CHSY1: variants seen among roughly 807,000 people sequenced by gnomAD.
The protein encoded by CHSY1 is chondroitin sulfate synthase 1.
CHSY1 carries 13 observed loss-of-function variants against 59.8 expected under a neutral mutation model. That is an observed-to-expected ratio of 0.22 (90% CI 0.14 to 0.35). CHSY1 has a LOEUF of 0.35. Among genes scored for constraint, CHSY1 ranks in the 10% least tolerant of loss-of-function variants. The pLI is 1.00. For synonymous variants in CHSY1, 459 were observed against 401.2 expected, an observed-to-expected ratio of 1.14 and a Z score of -1.72; for missense variants, 947 against 1,030.6, an observed-to-expected ratio of 0.92 and a Z score of 1.11.
chr15:101,236,543 C>T (rs1017990634), intron 1 of CHSY1, among the ~76,000 whole-genome samples: 5 of 152,152 alleles, frequency 3.3e-5, no homozygotes, highest in South Asian at 2.1e-4. Context: ...GTTTCTGGGC[C>T]GGGCATGGTG....
chr15:101,214,983 A>T (rs954433004), intron 2 of CHSY1, among the ~76,000 whole-genome samples: 27 of 152,102 alleles, frequency 1.8e-4, no homozygotes, highest in Non-Finnish European at 3.4e-4. Flanking sequence ...CTCGTTTTTT[A>T]AAAGTGTGCG....
At chr15:101,226,795 T>C (rs2038846070) in intron 2 of CHSY1, among the ~76,000 whole-genome samples, 1 of 152,236 alleles carries the variant, frequency 6.6e-6, no homozygotes, top group Non-Finnish European at 1.5e-5. Flanking sequence ...GTGAATATTG[T>C]AACTAATTGG....
intron 2 of CHSY1, among the ~76,000 whole-genome samples, chr15:101,190,279 A>C (rs2038427037): frequency 1.3e-5 from 2 of 148,386 alleles, no homozygotes; most frequent in Admixed American, 6.7e-5. Context: ...TGGGTGGGGA[A>C]GGGAAGCTAG....
intron 2 of CHSY1, among the ~76,000 whole-genome samples, chr15:101,204,315 T>C (rs2038602535): frequency 6.6e-6 from 1 of 151,810 alleles, no homozygotes; most frequent in Non-Finnish European, 1.5e-5. Context: ...GCACCTGTAA[T>C]CCCAGCTACT....
chr15:101,242,993 T>C (rs1348202389), intron 1 of CHSY1, among the ~76,000 whole-genome samples: 1 of 152,196 alleles, frequency 6.6e-6, no homozygotes, highest in African/African-American at 2.4e-5. Flanking sequence ...TTATACTCCT[T>C]ACTGTCCATC....
At chr15:101,245,127 G>C (rs1391415751) in intron 1 of CHSY1, among the ~76,000 whole-genome samples, 1 of 152,166 alleles carries the variant, frequency 6.6e-6, no homozygotes, top group Non-Finnish European at 1.5e-5. Context: ...CATCCCATCA[G>C]GCTACTGTCC....
At chr15:101,233,432 C>T (rs2038910586) in intron 2 of CHSY1, among the ~76,000 whole-genome samples, 2 of 152,158 alleles carry the variant, frequency 1.3e-5, no homozygotes, top group South Asian at 4.1e-4. Context: ...GAAAGTGTTC[C>T]AAAATATACA....
At chr15:101,193,916 G>C (rs1016442801) in intron 2 of CHSY1, among the ~76,000 whole-genome samples, 3 of 152,230 alleles carry the variant, frequency 2.0e-5, no homozygotes, top group African/African-American at 7.2e-5. Flanking sequence ...GGGGCACTGA[G>C]TCCCAGCAAC....
rs560687599 is a variant in CHSY1 at position 101,204,104 on chromosome 15, G to C, written c.817-25124C>G. Among the ~76,000 whole-genome samples the C allele has an allele frequency of 2.0e-5, 3 of 152,270 alleles. No homozygotes were observed. The South Asian group carries it at 6.2e-4, about 32-fold the overall frequency. On this transcript the variant is annotated intron_variant, in intron 2 of 2. Coordinates refer to ENST00000254190, the MANE Select transcript of CHSY1 (RefSeq NM_014918.5). ...ATACATACTGATTTAAGGGCAAAAAGAGCATTATATCTGCAACTTCCAAAT... is the reference window on the plus strand; with the variant it reads ...ATACATACTGATTTAAGGGCAAAAACAGCATTATATCTGCAACTTCCAAAT...
chr15:101,181,452 A>G (rs2038277613), intron 2 of CHSY1, among the ~76,000 whole-genome samples: 1 of 152,236 alleles, frequency 6.6e-6, no homozygotes, highest in African/African-American at 2.4e-5. Context: ...AAGAGTGTAA[A>G]CACACATTAA....
intron 2 of CHSY1, among the ~76,000 whole-genome samples, chr15:101,212,065 T>C (rs2038687726): frequency 6.6e-6 from 1 of 152,114 alleles, no homozygotes; most frequent in Non-Finnish European, 1.5e-5. Flanking sequence ...AGGCACTCAG[T>C]ATCACTAGTC....
chr15:101,177,381 C>T lies in CHSY1; in HGVS notation c.*7G>A. On this transcript the variant is annotated 3_prime_UTR_variant, in exon 3 of 3. Coordinates refer to ENST00000254190, the MANE Select transcript of CHSY1 (RefSeq NM_014918.5). ...ATTAAAAACGTCTTTTCCAGCAAAG[C>T]TGGACATTAGGCTGTCCTCACTGAG... 2 of 1,599,278 alleles carry T rather than the reference C, an allele frequency of 1.3e-6. No individual in the cohort carries two copies. The highest frequency in any genetic ancestry group is 1.1e-5 in the South Asian group (1 of 87,188).
intron 2 of CHSY1, among the ~76,000 whole-genome samples, chr15:101,179,952 A>G (rs1354329534): frequency 6.6e-6 from 1 of 152,218 alleles, no homozygotes; most frequent in Non-Finnish European, 1.5e-5. Context: ...TTTGCAAAAA[A>G]TGTTCAGTGA....
At chr15:101,188,093 G>A (rs2038393512) in intron 2 of CHSY1, 6 of 985,266 alleles carry the variant, frequency 6.1e-6, no homozygotes, top group Non-Finnish European at 7.2e-6. Context: ...TTACATGACT[G>A]TCCTTCAGCA....
chr15:101,244,699 T>C (rs1382241038), intron 1 of CHSY1, among the ~76,000 whole-genome samples: 4 of 152,376 alleles, frequency 2.6e-5, no homozygotes, highest in East Asian at 3.9e-4. Context: ...CAGAAGGGCT[T>C]TGTACTGGCC....
At chr15:101,201,857 C>T (rs1435223838) in intron 2 of CHSY1, among the ~76,000 whole-genome samples, 1 of 152,176 alleles carries the variant, frequency 6.6e-6, no homozygotes, top group African/African-American at 2.4e-5. Flanking sequence ...TGGAGGCTGC[C>T]TTCATGTTCT....
At chr15:101,220,782 T>C (rs2038780567) in intron 2 of CHSY1, among the ~76,000 whole-genome samples, 1 of 152,242 alleles carries the variant, frequency 6.6e-6, no homozygotes, top group Non-Finnish European at 1.5e-5. Flanking sequence ...GCTTCCGTGT[T>C]TTCTCAGTCA....
At position 101,251,536 on chromosome 15, in the gene CHSY1, G is replaced by C. The variant is rs1208568218; in HGVS notation, c.-80C>G. The C allele has an allele frequency of 1.4e-5, 3 of 222,004 alleles. No individual in the cohort carries two copies. Among genetic ancestry groups the C allele is most frequent in the Non-Finnish European group, 2.1e-5 (3 of 141,028 alleles). The allele number at this position is 222,004 out of a possible 1,614,324, so 13.8% of individuals were successfully genotyped here. A position where few individuals can be genotyped will look rare whatever the true frequency, so the allele number is the denominator to read the frequency against. ...CCGCTGCCCCCGCCCGCGGAGGCCA[G>C]CCCGCCCTAGCGCCGCGAGGCCCGG... On this transcript the variant is annotated 5_prime_UTR_variant, in exon 1 of 3. Transcript: ENST00000254190.
At chr15:101,204,588 C>T (rs1473435945) in intron 2 of CHSY1, among the ~76,000 whole-genome samples, 3 of 151,316 alleles carry the variant, frequency 2.0e-5, no homozygotes, top group African/African-American at 7.3e-5. Flanking sequence ...ATAAAAATTG[C>T]CCCCCAAAAA....
Sources: gnomAD v4.1 joint callset for allele counts (sites outside exome capture counted in the v4.1 genomes callset) on GRCh38, gnomAD v4.1.1 for gene constraint, MANE v1.5 for transcripts, NCBI Gene and HGNC (gene_info 2026-07-23, HGNC 2026-07-21) for gene names.